The following NAV2 variants were observed in gnomAD, a reference collection of about 807,000 sequenced individuals.
NAV2 encodes the protein neuron navigator 2.
A neutral mutation model predicts 223.2 loss-of-function variants in NAV2; 54 were observed. That is an observed-to-expected ratio of 0.24 (90% confidence interval 0.19 to 0.30). The LOEUF (loss-of-function observed/expected upper bound fraction) is 0.30. Among genes scored for constraint, NAV2 ranks in the 10% least tolerant of loss-of-function variants. NAV2 has a pLI of 1.00. For missense variants in NAV2, 2,806 were observed against 3,147.5 expected (o/e 0.89, Z 2.60); for synonymous variants, 1,279 against 1,239.3 (o/e 1.03, Z -0.67).
chr11:20,045,897 AT>A (rs1237949581), intron 14 of NAV2, among the ~76,000 whole-genome samples: 1 of 152,212 alleles, frequency 6.6e-6, no homozygotes, highest in Non-Finnish European at 1.5e-5. Context: ...TCTTAGGTCC[AT>A]TTTAATTAGC....
intron 1 of NAV2, among the ~76,000 whole-genome samples, chr11:19,748,582 C>T (rs1040704041): frequency 2.6e-5 from 4 of 152,228 alleles, no homozygotes; most frequent in Admixed American, 6.5e-5. Context: ...TAATCCCTGG[C>T]GCCTAGCATG....
chr11:20,048,929 C>T lies in NAV2; in HGVS notation c.4104C>T (p.Ala1368=). The part of the protein sequence containing the change: ...KNVDLNQSPL[A]SSPSSAHSAP... ...TGGACCTCAACCAGTCTCCGCTAGC[C>T]TCCAGCCCCAGCTCAGCCCACTCGG... is the stretch of plus-strand genomic sequence containing the variant. The change falls in exon 15 of 38, where the codon GCC becomes GCT. Residue 1368 remains alanine, a synonymous_variant. Coordinates refer to ENST00000349880, the MANE Select transcript of NAV2 (RefSeq NM_145117.5). 1 of 1,614,202 alleles carries T rather than the reference C, an allele frequency of 6.2e-7. No homozygotes were observed. The highest frequency in any genetic ancestry group is 8.5e-7 in the Non-Finnish European group (1 of 1,180,032).
chr11:19,900,673 C>T (rs933925612), intron 6 of NAV2, among the ~76,000 whole-genome samples: 1 of 152,144 alleles, frequency 6.6e-6, no homozygotes, highest in Non-Finnish European at 1.5e-5. Context: ...TAGGCCCAAT[C>T]AATTGTCATA....
chr11:19,895,478 A>C (rs112417047), intron 6 of NAV2, among the ~76,000 whole-genome samples: 2,329 of 152,286 alleles, frequency 0.015, 63 homozygotes, highest in African/African-American at 0.053. Context: ...GAAATTAAGT[A>C]ACTTGCCCTC....
chr11:20,119,407 C>T lies in NAV2; in HGVS notation c.*1149C>T, dbSNP rs537809209. ...CATGTGGGTGAGCCATGGACCTTGC[C>T]TTCCCTTCTCGTCCTTGAGGGTTTA... On this transcript the variant is annotated 3_prime_UTR_variant, in exon 38 of 38. Transcript: ENST00000349880. The T allele has an allele frequency of 2.0e-5, 3 of 152,630 alleles. No individual in the cohort carries two copies. Among genetic ancestry groups the T allele is most frequent in the African/African-American group, 7.2e-5 (3 of 41,526 alleles). 9.5% of individuals were successfully genotyped at this position (152,630 alleles called of 1,614,324 possible).
intron 1 of NAV2, among the ~76,000 whole-genome samples, chr11:19,419,068 T>C (rs1381136423): frequency 6.6e-6 from 1 of 152,088 alleles, no homozygotes; most frequent in Non-Finnish European, 1.5e-5. Flanking sequence ...GATGTATGCC[T>C]TGAGTCTGGG....
rs1564959904 is a variant in NAV2 at position 19,466,986 on chromosome 11, C to CTCT, written c.75+115959_75+115960insTCT. Among the ~76,000 whole-genome samples the CTCT allele has an allele frequency of 4.3e-3, 305 of 71,512 alleles. 1 individual carries two copies. Among genetic ancestry groups the CTCT allele is most frequent in the African/African-American group, 0.014 (285 of 20,398 alleles). The allele number at this position is 71,512 out of a possible 152,430, so 46.9% of individuals were successfully genotyped here. A position where few individuals can be genotyped will look rare whatever the true frequency, so the allele number is the denominator to read the frequency against. ...TTGTTCTCTCTTCTCTCTCTCTCTA[C>CTCT]ACACACACACACACACACACACACA... On this transcript the variant is annotated intron_variant, in intron 1 of 37. Transcript: ENST00000360655.
At chr11:19,358,172 G>A (rs191066476) in intron 1 of NAV2, among the ~76,000 whole-genome samples, 9 of 152,268 alleles carry the variant, frequency 5.9e-5, no homozygotes, top group African/African-American at 1.9e-4. Context: ...AGAAAGAGAG[G>A]GATGTGGGGG....
At chr11:19,971,174 G>A (rs1377425903) in intron 10 of NAV2, among the ~76,000 whole-genome samples, 3 of 152,074 alleles carry the variant, frequency 2.0e-5, no homozygotes, top group African/African-American at 7.3e-5. Context: ...GGCCCCACAG[G>A]CACGTTTTTG....
rs1033022993 is a variant in NAV2 at position 20,049,132 on chromosome 11, C to T, written c.4307C>T (p.Ser1436Phe). The T allele has an allele frequency of 6.2e-7, 1 of 1,613,654 alleles. No homozygotes were observed. Among genetic ancestry groups the T allele is most frequent in the Admixed American group, 1.7e-5 (1 of 59,986 alleles). Residue 1436 changes from serine (S) to phenylalanine (F), a missense_variant, in exon 15 of 38, where the codon TCC becomes TTC. This residue lies in a region of NAV2 where 742 missense variants were observed against 777.9 expected (regional missense o/e 0.95). Transcript: ENST00000349880. ...HNSSTGLIAS[S>F]KDDSLTPFVR... ...TCTTCCACTGGCCTCATCGCCTCCT[C>T]CAAGGACGACTCCTTGACTCCCTTT... is the stretch of plus-strand genomic sequence containing the variant.
intron 10 of NAV2, among the ~76,000 whole-genome samples, chr11:19,957,503 G>A (rs568087027): frequency 4.1e-4 from 63 of 152,322 alleles, no homozygotes; most frequent in African/African-American, 1.5e-3. Flanking sequence ...TGGGTGGTTT[G>A]GCAGATGGAT....
At chr11:20,006,935 G>C (rs1452577348) in intron 11 of NAV2, among the ~76,000 whole-genome samples, 1 of 151,890 alleles carries the variant, frequency 6.6e-6, no homozygotes, top group Non-Finnish European at 1.5e-5. Context: ...ACTGGACCCT[G>C]GTTTCTAAAG....
intron 1 of NAV2, among the ~76,000 whole-genome samples, chr11:19,540,396 T>C (rs7949232): frequency 0.069 from 10,505 of 152,254 alleles, 1,239 homozygotes; most frequent in African/African-American, 0.24. Context: ...ACTTACTATT[T>C]CCTAGGCACT....
At chr11:19,850,391 G>T (rs2061046836) in intron 3 of NAV2, among the ~76,000 whole-genome samples, 1 of 152,186 alleles carries the variant, frequency 6.6e-6, no homozygotes, top group Admixed American at 6.5e-5. Context: ...TCATTTTGGT[G>T]ACTGGGCCTG....
chr11:20,101,013 C>A lies in NAV2; in HGVS notation c.6258C>A (p.Ser2086=). 6.2e-7 allele frequency: 1 copy of A among 1,614,184 alleles called. No individual in the cohort carries two copies. The highest frequency in any genetic ancestry group is 1.1e-5 in the South Asian group (1 of 91,076). ...IPKPILQRYV[S]LLIEHRRIIL... ...AGCCCATCCTGCAGCGCTACGTCTC[C>A]CTCCTGATAGAGCACCGTCGGATCA... The change falls in exon 32 of 38, where the codon TCC becomes TCA. Residue 2086 remains serine (S), a synonymous_variant. Transcript: ENST00000349880.
intron 10 of NAV2, among the ~76,000 whole-genome samples, chr11:19,968,864 C>A (rs940598028): frequency 1.3e-5 from 2 of 152,142 alleles, no homozygotes; most frequent in African/African-American, 2.4e-5. Context: ...GTCTTTCCCC[C>A]CAGAGTGCTC....
At chr11:19,815,001 A>G (rs1157132490) in intron 1 of NAV2, among the ~76,000 whole-genome samples, 1 of 152,070 alleles carries the variant, frequency 6.6e-6, no homozygotes, top group Non-Finnish European at 1.5e-5. Flanking sequence ...CTTACTCTAT[A>G]CAGCTGACCT....
At chr11:19,689,887 T>C (rs1247940188) in intron 1 of NAV2, among the ~76,000 whole-genome samples, 1 of 152,248 alleles carries the variant, frequency 6.6e-6, no homozygotes, top group South Asian at 2.1e-4. Flanking sequence ...ATACTGACTA[T>C]CATATGAGAA....
rs767473609 is a variant in NAV2, at chr11:20,044,993, T to A, written c.3225T>A (p.Ser1075=). ...GAAAAACAGACGACGCAAAGGTGTC[T>A]GAGAAAGGAAGGCTTTCTCCTAAAG... The part of the protein sequence containing the change: ...GTGKTDDAKV[S]EKGRLSPKAS... Residue 1075 remains serine, a synonymous_variant, in exon 14 of 38, where the codon TCT becomes TCA. Transcript: ENST00000349880. The A allele has an allele frequency of 5.0e-6, 8 of 1,612,426 alleles. No homozygotes were observed. Among genetic ancestry groups the A allele is most frequent in the Non-Finnish European group, 6.8e-6 (8 of 1,179,468 alleles).
Sources: gnomAD v4.1 joint callset for allele counts (sites outside exome capture counted in the v4.1 genomes callset) on GRCh38, gnomAD v4.1.1 for gene constraint, gnomAD v4.1.1 regional missense constraint, MANE v1.5 for transcripts, NCBI Gene and HGNC (gene_info 2026-07-23, HGNC 2026-07-21) for gene names.